The following CPA6 variants were observed in gnomAD, a reference collection of about 807,000 sequenced individuals.
CPA6 encodes the protein carboxypeptidase A6.
Under a neutral mutation model 63.3 loss-of-function variants are expected in CPA6, and 58 were observed. The observed-to-expected ratio is 0.92, with a 90% CI of 0.74 to 1.14. The LOEUF is 1.14. Among genes scored for constraint, CPA6 ranks in the 50% most tolerant of loss-of-function variants. CPA6 has a pLI of 0.00. For synonymous variants in CPA6, 185 were observed against 179.0 expected (o/e 1.03, Z -0.27); for missense variants, 565 against 526.6 (o/e 1.07, Z -0.71).
At chr8:67,431,067 T>C (rs1263401941) in intron 9 of CPA6, among the ~76,000 whole-genome samples, 1 of 152,018 alleles carries the variant, frequency 6.6e-6, no homozygotes. Context: ...TCCCACTATA[T>C]TACCTAGGCT....
chr8:67,497,216 T>C (rs374246548), intron 6 of CPA6, among the ~76,000 whole-genome samples: 1 of 152,204 alleles, frequency 6.6e-6, no homozygotes, highest in South Asian at 2.1e-4. Context: ...TTCTAGGACA[T>C]TTCCACCACT....
intron 2 of CPA6, among the ~76,000 whole-genome samples, chr8:67,568,806 A>G (rs979143988): frequency 1.3e-5 from 2 of 152,204 alleles, no homozygotes; most frequent in East Asian, 3.8e-4. Context: ...TTTGGAGTGC[A>G]GTGGCACGAT....
At chr8:67,434,016 A>G (rs748738808) in intron 9 of CPA6, 22 bp downstream of exon 9, 3 of 1,564,188 alleles carry the variant, frequency 1.9e-6, no homozygotes, top group South Asian at 2.2e-5. Context: ...CCTGATGTAC[A>G]TGCACAGGGT....
intron 2 of CPA6, among the ~76,000 whole-genome samples, chr8:67,605,194 G>A (rs2128983922): frequency 6.6e-6 from 1 of 151,764 alleles, no homozygotes; most frequent in African/African-American, 2.4e-5. Flanking sequence ...TACCATGTGT[G>A]ATTCATCCAA....
At chr8:67,680,123 G>A (rs34435548) in intron 1 of CPA6, among the ~76,000 whole-genome samples, 5,638 of 152,204 alleles carry the variant, frequency 0.037, 141 homozygotes, top group Middle Eastern at 0.085. Flanking sequence ...AGGTGAGAAC[G>A]CCATTGGTTT....
intron 2 of CPA6, among the ~76,000 whole-genome samples, chr8:67,566,941 A>C (rs1813352066): frequency 6.6e-6 from 1 of 152,182 alleles, no homozygotes; most frequent in East Asian, 1.9e-4. Context: ...AAAGGTGGCC[A>C]CTCTTTAGGC....
chr8:67,430,450 A>T (rs551476708), intron 9 of CPA6, among the ~76,000 whole-genome samples: 1 of 152,162 alleles, frequency 6.6e-6, no homozygotes, highest in East Asian at 1.9e-4. Context: ...CTCCCAAAAT[A>T]GTATATATTT....
chr8:67,573,447 C>CA (rs1813537678), intron 2 of CPA6, among the ~76,000 whole-genome samples: 1 of 151,988 alleles, frequency 6.6e-6, no homozygotes, highest in Non-Finnish European at 1.5e-5. Flanking sequence ...AATTAACACA[C>CA]AAAAATCAGT....
At chr8:67,600,066 CT>C (rs200678346) in intron 2 of CPA6, among the ~76,000 whole-genome samples, 100 of 144,970 alleles carry the variant, frequency 6.9e-4, no homozygotes, top group Non-Finnish European at 7.9e-4. Context: ...GGACACATTT[CT>C]TTTTTTTTTT....
At chr8:67,480,081 T>C (rs761967000) in intron 8 of CPA6, among the ~76,000 whole-genome samples, 58 of 152,202 alleles carry the variant, frequency 3.8e-4, no homozygotes, top group Non-Finnish European at 4.0e-4. Context: ...CTCCGTGTTA[T>C]ATCTAATTTA....
chr8:67,483,772 CCACTT>C lies in CPA6; in HGVS notation c.829_833del (p.Lys277ValfsTer2). On this transcript the variant is annotated frameshift_variant, in exon 8 of 11. Transcript: ENST00000297770. ...CCCAGTTGGTCCCAAACTTACCACA[CCACTT>C]CACTTTCCAGTTTCTATTGGCATCC... 6.2e-7 allele frequency: 1 copy of C among 1,613,894 alleles called. No individual in the cohort carries two copies. The highest frequency in any genetic ancestry group is 8.5e-7 in the Non-Finnish European group (1 of 1,179,754).
chr8:67,555,043 C>T (rs780317514), intron 2 of CPA6, among the ~76,000 whole-genome samples: 4 of 152,208 alleles, frequency 2.6e-5, no homozygotes, highest in Admixed American at 6.5e-5. Context: ...TGAGAATAAA[C>T]AATGCTATAC....
chr8:67,682,013 A>G (rs1331007296), intron 1 of CPA6, among the ~76,000 whole-genome samples: 1 of 152,154 alleles, frequency 6.6e-6, no homozygotes, highest in Non-Finnish European at 1.5e-5. Flanking sequence ...AAAACCTGTT[A>G]CTTTGTTTCT....
At chr8:67,507,979 C>A (rs1811964537) in intron 5 of CPA6, among the ~76,000 whole-genome samples, 1 of 149,292 alleles carries the variant, frequency 6.7e-6, no homozygotes, top group South Asian at 2.1e-4. Flanking sequence ...GAGGCTTCCT[C>A]CTGTATTCTA....
intron 2 of CPA6, among the ~76,000 whole-genome samples, chr8:67,590,354 G>A (rs1470574075): frequency 6.6e-6 from 1 of 151,528 alleles, no homozygotes; most frequent in Non-Finnish European, 1.5e-5. Context: ...AAACATACGT[G>A]TGCATGTGTC....
At chr8:67,741,884 C>T (rs76633491) in intron 1 of CPA6, among the ~76,000 whole-genome samples, 25 of 152,176 alleles carry the variant, frequency 1.6e-4, no homozygotes, top group African/African-American at 4.6e-4. Flanking sequence ...AAACCACCCC[C>T]GCCACAACCG....
At chr8:67,424,225 A>G (rs1473600286) in intron 10 of CPA6, among the ~76,000 whole-genome samples, 1 of 152,200 alleles carries the variant, frequency 6.6e-6, no homozygotes, top group Non-Finnish European at 1.5e-5. Flanking sequence ...ATTTCATTAT[A>G]TATTACAGTG....
intron 2 of CPA6, among the ~76,000 whole-genome samples, chr8:67,560,741 T>A (rs1005061831): frequency 7.2e-5 from 11 of 152,126 alleles, no homozygotes; most frequent in Admixed American, 2.6e-4. Flanking sequence ...ACTAGGGCCT[T>A]GAGCAAAATG....
chr8:67,685,450 T>C lies in CPA6; in HGVS notation c.116+60564A>G, dbSNP rs564299492. Among the ~76,000 whole-genome samples, 25 of 152,134 alleles carry C rather than the reference T, an allele frequency of 1.6e-4. No homozygotes were observed. In the South Asian group the frequency reaches 5.2e-3, roughly 32 times the overall value. On this transcript the variant is annotated intron_variant, in intron 1 of 10. Coordinates refer to ENST00000297770, the MANE Select transcript of CPA6 (RefSeq NM_020361.5). Reference sequence around the variant, plus strand: ...GGCTAACATGGTGAAACCCCGTCTCTACTAAAAATACAAAAAAAATTAGCC... The same window carrying C: ...GGCTAACATGGTGAAACCCCGTCTCCACTAAAAATACAAAAAAAATTAGCC...
Sources: allele counts gnomAD v4.1 joint callset (sites outside exome capture counted in the v4.1 genomes callset), GRCh38; gene constraint gnomAD v4.1.1; transcripts MANE v1.5; gene names NCBI Gene and HGNC (gene_info 2026-07-23, HGNC 2026-07-21).